The following GUCA1B variants were observed in gnomAD, a reference collection of about 807,000 sequenced individuals.
GUCA1B encodes the protein guanylyl cyclase-activating protein 2.
In GUCA1B, 22 loss-of-function variants were observed where a neutral mutation model predicts 24.2. The observed-to-expected ratio is 0.91, with a 90% CI of 0.65 to 1.30. The LOEUF (loss-of-function observed/expected upper bound fraction) is 1.30, where lower values mean the gene tolerates loss of function less well. Ranked by LOEUF, GUCA1B falls within the 50% of genes most tolerant of loss-of-function variation. The probability of loss-of-function intolerance (pLI) is 0.00; values close to 1 mark genes in which losing one functional copy is unlikely to be tolerated. For synonymous variants in GUCA1B, 100 were observed against 97.9 expected (o/e 1.02, Z -0.13); for missense variants, 221 against 258.8 (o/e 0.85, Z 1.00).
intron 1 of GUCA1B, among the ~76,000 whole-genome samples, chr6:42,192,240 G>C (rs921558440): frequency 2.7e-5 from 4 of 150,498 alleles, no homozygotes; most frequent in African/African-American, 9.8e-5. Context: ...TGTAGTCCCA[G>C]CTACTGGGGA....
chr6:42,184,659 C>T lies in GUCA1B; in HGVS notation c.*156G>A. On this transcript the variant is annotated 3_prime_UTR_variant, in exon 4 of 4. Transcript: ENST00000230361. ...ACTATGCCCTGTTGGCCACTTCAAA[C>T]CCAGCAGCCCTTCCCCATCCCCACT... is the stretch of plus-strand genomic sequence containing the variant. 6.2e-6 allele frequency: 5 copies of T among 806,920 alleles called. No individual in the cohort carries two copies. Among genetic ancestry groups the T allele is most frequent in the East Asian group, 2.5e-5 (1 of 39,814 alleles). The allele number at this position is 806,920 out of a possible 1,614,324, so 50.0% of individuals were successfully genotyped here.
chr6:42,188,483 G>T (rs1582331801), intron 2 of GUCA1B, 99 bp downstream of exon 2: 4 of 981,290 alleles, frequency 4.1e-6, no homozygotes, highest in Admixed American at 1.8e-5. Flanking sequence ...TGATTTCAAG[G>T]CCTCTTCTTC....
chr6:42,191,379 T>C (rs763429361), intron 1 of GUCA1B, among the ~76,000 whole-genome samples: 8 of 152,166 alleles, frequency 5.3e-5, no homozygotes, highest in Non-Finnish European at 1.2e-4. Context: ...ACCTCACATT[T>C]TCACGTGTGA....
intron 2 of GUCA1B, among the ~76,000 whole-genome samples, chr6:42,186,366 G>A (rs6909313): frequency 0.27 from 40,964 of 151,944 alleles, 6,364 homozygotes; most frequent in African/African-American, 0.43. Flanking sequence ...GCCGAGGCGG[G>A]TGGATCATTT....
chr6:42,191,049 C>G (rs1768295566), intron 1 of GUCA1B, among the ~76,000 whole-genome samples: 1 of 152,184 alleles, frequency 6.6e-6, no homozygotes, highest in African/African-American at 2.4e-5. Context: ...CTAATCTCAT[C>G]TGCTATGCAT....
intron 1 of GUCA1B, among the ~76,000 whole-genome samples, chr6:42,193,411 A>G (rs372326165): frequency 1.3e-5 from 2 of 152,236 alleles, no homozygotes; most frequent in African/African-American, 2.4e-5. Context: ...TTAAAAAGTC[A>G]TCTTCTCTCT....
chr6:42,186,214 A>G (rs963272882), intron 2 of GUCA1B, among the ~76,000 whole-genome samples: 1 of 152,176 alleles, frequency 6.6e-6, no homozygotes, highest in Non-Finnish European at 1.5e-5. Context: ...ATGGGGATAC[A>G]CATGTTCCCT....
intron 1 of GUCA1B, among the ~76,000 whole-genome samples, chr6:42,194,354 G>A: frequency 6.6e-6 from 1 of 152,194 alleles, no homozygotes; most frequent in East Asian, 1.9e-4. Flanking sequence ...CAGCTCTCAA[G>A]AAGAGGACAC....
rs1407300321 is a variant in GUCA1B at position 42,183,667 on chromosome 6, A to G, written c.*1148T>C. On this transcript the variant is annotated 3_prime_UTR_variant, in exon 4 of 4. Transcript: ENST00000230361. Reference sequence around the variant, plus strand: ...GGCTGTCTTGGGTCACACAGCAGTTAGAAGCCAAGCCCAGCCCACAATCCC... The same window carrying G: ...GGCTGTCTTGGGTCACACAGCAGTTGGAAGCCAAGCCCAGCCCACAATCCC... Among the ~76,000 whole-genome samples, 5 of 152,248 alleles carry G rather than the reference A, an allele frequency of 3.3e-5. No individual in the cohort carries two copies. The highest frequency in any genetic ancestry group is 6.5e-5 in the Admixed American group (1 of 15,282).
chr6:42,192,383 GAGA>G (rs1768324361), intron 1 of GUCA1B, among the ~76,000 whole-genome samples: 1 of 63,916 alleles, frequency 1.6e-5, no homozygotes, highest in Non-Finnish European at 3.0e-5. Flanking sequence ...AAAAAAAAGA[GAGA>G]AAAGAAAAGA....
At position 42,184,516 on chromosome 6, in the gene GUCA1B, C is replaced by T. The variant is rs1208436132; in HGVS notation, c.*299G>A. 3 of 431,242 alleles carry T rather than the reference C, an allele frequency of 7.0e-6. No individual in the cohort carries two copies. The highest frequency in any genetic ancestry group is 6.9e-5 in the Admixed American group (2 of 28,872). 26.7% of individuals were successfully genotyped at this position (431,242 alleles called of 1,614,324 possible). ...GTTGGCTCTTGCTTCCAACTGAGAACACCCAGAAACTGTGGGAGCCCCACA... is the reference window on the plus strand; with the variant it reads ...GTTGGCTCTTGCTTCCAACTGAGAATACCCAGAAACTGTGGGAGCCCCACA... On this transcript the variant is annotated 3_prime_UTR_variant, in exon 4 of 4. Coordinates refer to ENST00000230361, the MANE Select transcript of GUCA1B (RefSeq NM_002098.6).
chr6:42,194,135 G>T (rs1768357256), intron 1 of GUCA1B, among the ~76,000 whole-genome samples: 1 of 152,206 alleles, frequency 6.6e-6, no homozygotes, highest in African/African-American at 2.4e-5. Context: ...ATTCTTGACA[G>T]GGAGGATCTG....
At chr6:42,187,507 AC>A (rs1209718151) in intron 2 of GUCA1B, among the ~76,000 whole-genome samples, 2 of 144,996 alleles carry the variant, frequency 1.4e-5, no homozygotes, top group Non-Finnish European at 3.0e-5. Context: ...CGCAGCCTCG[AC>A]CTTCCAGGCT....
chr6:42,193,021 A>G (rs1768336769), intron 1 of GUCA1B, among the ~76,000 whole-genome samples: 2 of 152,242 alleles, frequency 1.3e-5, no homozygotes, highest in Admixed American at 6.5e-5. Context: ...ATATATATGT[A>G]TGTATACAGA....
At chr6:42,186,893 A>T (rs1768201995) in intron 2 of GUCA1B, among the ~76,000 whole-genome samples, 1 of 152,220 alleles carries the variant, frequency 6.6e-6, no homozygotes, top group Non-Finnish European at 1.5e-5. Flanking sequence ...TGCCTGCCTC[A>T]TAGCGCGGGT....
intron 2 of GUCA1B, among the ~76,000 whole-genome samples, chr6:42,186,358 C>T (rs1271395969): frequency 6.6e-6 from 1 of 151,996 alleles, no homozygotes; most frequent in Non-Finnish European, 1.5e-5. Flanking sequence ...TTTGGGAGGC[C>T]GAGGCGGGTG....
intron 1 of GUCA1B, among the ~76,000 whole-genome samples, chr6:42,192,616 T>C (rs963163018): frequency 2.0e-5 from 3 of 151,556 alleles, no homozygotes; most frequent in African/African-American, 7.3e-5. Flanking sequence ...GGAGGATGAG[T>C]CATGAGAATT....
At position 42,183,946 on chromosome 6, in the gene GUCA1B, G is replaced by A. The variant is rs1768147766; in HGVS notation, c.*869C>T. 6.6e-6 allele frequency among the ~76,000 whole-genome samples: 1 copy of A among 152,168 alleles called. No homozygotes were observed. Among genetic ancestry groups the A allele is most frequent in the Admixed American group, 6.5e-5 (1 of 15,280 alleles). On this transcript the variant is annotated 3_prime_UTR_variant, in exon 4 of 4. Coordinates refer to ENST00000230361, the MANE Select transcript of GUCA1B (RefSeq NM_002098.6). ...AAAGACCACAGCCTGCAGCGTATTT[G>A]CTGCCATTTTTCCTGTTGACACCAC...
chr6:42,193,456 G>A (rs1040127756), intron 1 of GUCA1B, among the ~76,000 whole-genome samples: 1 of 152,176 alleles, frequency 6.6e-6, no homozygotes, highest in African/African-American at 2.4e-5. Flanking sequence ...GAGCACTTAA[G>A]ACCTTGGGCA....
Sources: allele counts gnomAD v4.1 joint callset (sites outside exome capture counted in the v4.1 genomes callset), GRCh38; gene constraint gnomAD v4.1.1; transcripts MANE v1.5; gene names NCBI Gene and HGNC (gene_info 2026-07-23, HGNC 2026-07-21).